The following RASSF3 variants were observed in gnomAD, a reference collection of about 807,000 sequenced individuals.
The protein encoded by RASSF3 is Ras association domain family member 3.
Under a neutral mutation model 19.9 loss-of-function variants are expected in RASSF3, and 19 were observed. The observed-to-expected ratio is 0.96, with a 90% confidence interval of 0.67 to 1.40. RASSF3 has a LOEUF of 1.40. Ranked by LOEUF, RASSF3 falls within the 40% of genes most tolerant of loss-of-function variation. RASSF3 has a pLI of 0.00. For synonymous variants in RASSF3, 110 were observed against 104.2 expected (o/e 1.06, Z -0.34); for missense variants, 306 against 289.8 (o/e 1.06, Z -0.41).
rs1464260311 is a variant in RASSF3, at chr12:64,667,957, C to T, written c.112-16830C>T. ...GGAAAGATGTACTTTCCCAAGGTCA[C>T]GCAGATAGCTGGCAACAGGTTTTTC... On this transcript the variant is annotated intron_variant, in intron 1 of 4. Coordinates refer to ENST00000542104, the MANE Select transcript of RASSF3 (RefSeq NM_178169.4). 8.5e-5 allele frequency among the ~76,000 whole-genome samples: 13 copies of T among 152,212 alleles called. 1 individual carries two copies. The highest frequency in any genetic ancestry group is 1.9e-4 in the African/African-American group (8 of 41,456).
In RASSF3 at chr12:64,696,762, T is replaced by C. The variant is rs1868379801; in HGVS notation, c.*1850T>C. 6.6e-6 allele frequency: 1 copy of C among 152,212 alleles called. No individual in the cohort carries two copies. Among genetic ancestry groups the C allele is most frequent in the Admixed American group, 6.5e-5 (1 of 15,282 alleles). The allele number at this position is 152,212 out of a possible 1,614,324, so 9.4% of individuals were successfully genotyped here. A position where few individuals can be genotyped will look rare whatever the true frequency, so the allele number is the denominator to read the frequency against. On this transcript the variant is annotated 3_prime_UTR_variant, in exon 5 of 5. Coordinates refer to ENST00000542104, the MANE Select transcript of RASSF3 (RefSeq NM_178169.4). Reference sequence around the variant, plus strand: ...TTAAGGAAAGTTGAAAAAAATAGAATTAGCTATAAAATATGTATGGCACAT... The same window carrying C: ...TTAAGGAAAGTTGAAAAAAATAGAACTAGCTATAAAATATGTATGGCACAT...
At chr12:64,517,021 A>C in intron 1 of RASSF3, among the ~76,000 whole-genome samples, 1 of 149,942 alleles carries the variant, frequency 6.7e-6, no homozygotes, top group Admixed American at 6.6e-5. Flanking sequence ...AAAAAAAAAA[A>C]GAAAGAGAAA....
intron 1 of RASSF3, among the ~76,000 whole-genome samples, chr12:64,659,486 C>G (rs1284335353): frequency 6.6e-6 from 1 of 151,924 alleles, no homozygotes; most frequent in East Asian, 1.9e-4. Flanking sequence ...ACAGAGGGGT[C>G]CATTTTTGTG....
intron 1 of RASSF3, among the ~76,000 whole-genome samples, chr12:64,647,888 T>C (rs1362721060): frequency 6.6e-6 from 1 of 152,120 alleles, no homozygotes; most frequent in Non-Finnish European, 1.5e-5. Flanking sequence ...GCTTATAAAA[T>C]AGAATAAATG....
At position 64,657,027 on chromosome 12, in the gene RASSF3, T is replaced by TTC. The variant is rs140359898; in HGVS notation, c.112-27760_112-27759insTC. 6.5e-3 allele frequency among the ~76,000 whole-genome samples: 985 copies of TTC among 150,794 alleles called. 16 individuals carry two copies. The highest frequency in any genetic ancestry group is 0.023 in the African/African-American group (952 of 40,920). On this transcript the variant is annotated intron_variant, in intron 1 of 4. Coordinates refer to ENST00000542104, the MANE Select transcript of RASSF3 (RefSeq NM_178169.4). Reference sequence around the variant, plus strand: ...GTATAGTTTCTTTTTTTTTTTTTTTTCAGACAGAGTCTTACTCTGTCGCCC... The same window carrying TTC: ...GTATAGTTTCTTTTTTTTTTTTTTTTTCCAGACAGAGTCTTACTCTGTCGCCC...
chr12:64,520,404 G>A (rs1183613080), intron 1 of RASSF3, among the ~76,000 whole-genome samples: 12 of 151,402 alleles, frequency 7.9e-5, no homozygotes, highest in Middle Eastern at 3.4e-3. Flanking sequence ...CTCATGATCC[G>A]CCCGCCTCGG....
chr12:64,555,406 G>A (rs1180811983), intron 2 of RASSF3, among the ~76,000 whole-genome samples: 1 of 152,096 alleles, frequency 6.6e-6, no homozygotes, highest in Non-Finnish European at 1.5e-5. Context: ...AACAAGAAAT[G>A]TATACCTCTT....
chr12:64,580,783 G>A (rs1426012110), intron 2 of RASSF3, among the ~76,000 whole-genome samples: 2 of 151,848 alleles, frequency 1.3e-5, no homozygotes, highest in Non-Finnish European at 2.9e-5. Context: ...TTTGTCACAT[G>A]GTATTCTCTT....
intron 2 of RASSF3, among the ~76,000 whole-genome samples, chr12:64,557,955 G>A (rs1869280978): frequency 6.6e-6 from 1 of 152,098 alleles, no homozygotes; most frequent in Admixed American, 6.5e-5. Flanking sequence ...CATTGTATAA[G>A]ACCCCAGACA....
At chr12:64,548,593 A>G (rs963151309) in intron 2 of RASSF3, among the ~76,000 whole-genome samples, 1 of 152,122 alleles carries the variant, frequency 6.6e-6, no homozygotes, top group Admixed American at 6.6e-5. Context: ...TTTCCTTAAT[A>G]CAGATTCTGA....
intron 1 of RASSF3, among the ~76,000 whole-genome samples, chr12:64,612,233 C>T (rs1192107664): frequency 1.3e-5 from 2 of 152,082 alleles, no homozygotes; most frequent in African/African-American, 4.8e-5. Context: ...TCCCCTTCTC[C>T]GTTTTGCATT....
At chr12:64,568,268 G>T (rs1253837429) in intron 2 of RASSF3, among the ~76,000 whole-genome samples, 5 of 152,036 alleles carry the variant, frequency 3.3e-5, no homozygotes. Context: ...CCTGACCTCA[G>T]ATGATCCACC....
intron 2 of RASSF3, among the ~76,000 whole-genome samples, chr12:64,551,165 G>A (rs1412114850): frequency 6.6e-6 from 1 of 152,158 alleles, no homozygotes; most frequent in Non-Finnish European, 1.5e-5. Flanking sequence ...CATGTACAAA[G>A]TACCTATGCA....
rs532151949 is a variant in RASSF3, at chr12:64,561,985, T to C, written c.294+20280T>C. Among the ~76,000 whole-genome samples, 443 of 105,968 alleles carry C rather than the reference T, an allele frequency of 4.2e-3. 3 individuals are homozygous for C. The highest frequency in any genetic ancestry group is 0.013 in the African/African-American group (433 of 33,216). The allele number at this position is 105,968 out of a possible 152,430, so 69.5% of individuals were successfully genotyped here. A position where few individuals can be genotyped will look rare whatever the true frequency, so the allele number is the denominator to read the frequency against. The stretch of plus-strand genomic sequence containing the variant: ...GGCATGAGCCACTGTGCATGGCCCA[T>C]AGTATTTATTTATTTATTTATTTAT... On this transcript the variant is annotated intron_variant, in intron 2 of 5. Transcript: ENST00000637125.
At chr12:64,625,479 T>C (rs1295877160) in intron 1 of RASSF3, among the ~76,000 whole-genome samples, 1 of 152,058 alleles carries the variant, frequency 6.6e-6, no homozygotes, top group Non-Finnish European at 1.5e-5. Context: ...CTTTCTCTCT[T>C]ATCTGCCTCT....
intron 1 of RASSF3, among the ~76,000 whole-genome samples, chr12:64,653,415 T>C (rs949538716): frequency 2.0e-5 from 3 of 152,110 alleles, no homozygotes; most frequent in Non-Finnish European, 2.9e-5. Context: ...ACATCAGTTA[T>C]ATTGCATTAG....
At chr12:64,688,150 G>T in intron 2 of RASSF3, 66 bp from the exon 3 acceptor site, 1 of 1,108,758 alleles carries the variant, frequency 9.0e-7, no homozygotes. Flanking sequence ...GTTTTGTTTT[G>T]ATATGCTTCT....
chr12:64,574,066 G>C (rs2136131459), intron 2 of RASSF3, among the ~76,000 whole-genome samples: 1 of 152,186 alleles, frequency 6.6e-6, no homozygotes, highest in East Asian at 1.9e-4. Flanking sequence ...AGTTTGGGAG[G>C]CCGAGGTGGG....
chr12:64,518,643 C>A (rs569360443), intron 1 of RASSF3, among the ~76,000 whole-genome samples: 4 of 152,210 alleles, frequency 2.6e-5, no homozygotes, highest in African/African-American at 9.6e-5. Context: ...AAGGATCTTG[C>A]GGCCAGATGA....
Sources: allele counts gnomAD v4.1 joint callset (sites outside exome capture counted in the v4.1 genomes callset), GRCh38; gene constraint gnomAD v4.1.1; transcripts MANE v1.5; gene names NCBI Gene and HGNC (gene_info 2026-07-23, HGNC 2026-07-21).